Variants in GLRA3 observed in about 807,000 individuals in gnomAD.
GLRA3 encodes glycine receptor subunit alpha-3.
In GLRA3, 44 loss-of-function variants were observed where a neutral mutation model predicts 60.4. The observed-to-expected ratio is 0.73, with a 90% CI of 0.57 to 0.94. The LOEUF (loss-of-function observed/expected upper bound fraction) is 0.94. GLRA3 is among the 40% of genes least tolerant of loss of function. GLRA3 has a pLI of 0.00. For synonymous variants in GLRA3, 223 were observed against 192.9 expected, an observed-to-expected ratio of 1.16 and a Z score of -1.29; for missense variants, 508 against 564.6, an observed-to-expected ratio of 0.90 and a Z score of 1.02.
intron 1 of GLRA3, among the ~76,000 whole-genome samples, chr4:174,798,503 T>A (rs1329326228): frequency 1.3e-5 from 2 of 152,140 alleles, no homozygotes; most frequent in African/African-American, 4.8e-5. Flanking sequence ...TTTCGAGTAT[T>A]TCAAACTAAA....
At chr4:174,755,518 T>C (rs1470834347) in intron 3 of GLRA3, among the ~76,000 whole-genome samples, 1 of 152,136 alleles carries the variant, frequency 6.6e-6, no homozygotes, top group African/African-American at 2.4e-5. Flanking sequence ...AATATCATCA[T>C]AGACTGTGAA....
chr4:174,659,006 T>G, intron 8 of GLRA3, 48 bp downstream of exon 8: 1 of 1,516,184 alleles, frequency 6.6e-7, no homozygotes, highest in South Asian at 1.2e-5. Context: ...AAATTCACTT[T>G]CGAGTGAAAA....
rs953241228 is a variant in GLRA3, at chr4:174,711,728, C to T, written c.574+3760G>A. On this transcript the variant is annotated intron_variant, in intron 5 of 9. Transcript: ENST00000274093. ...ATGCTGGGATTAAAGGCGTGAGCCA[C>T]GGCATATTGATTTTTTACCAGCATG... Among the ~76,000 whole-genome samples the T allele has an allele frequency of 9.2e-5, 14 of 152,228 alleles. 1 individual carries two copies. In the South Asian group the frequency reaches 2.3e-3, roughly 25 times the overall value.
chr4:174,758,966 G>A (rs1737837030), intron 3 of GLRA3, among the ~76,000 whole-genome samples: 1 of 152,032 alleles, frequency 6.6e-6, no homozygotes, highest in Admixed American at 6.5e-5. Context: ...TTTTATGTTT[G>A]TTTTGTATTT....
chr4:174,765,668 G>C (rs1158112732), intron 3 of GLRA3, among the ~76,000 whole-genome samples: 2 of 151,956 alleles, frequency 1.3e-5, no homozygotes, highest in Non-Finnish European at 2.9e-5. Flanking sequence ...ATATATCAAA[G>C]TCTAAAACAG....
chr4:174,787,078 G>T (rs1293008021), intron 2 of GLRA3, among the ~76,000 whole-genome samples: 1 of 151,932 alleles, frequency 6.6e-6, no homozygotes, highest in Non-Finnish European at 1.5e-5. Flanking sequence ...ATAGTTTAAT[G>T]TTTCTGTTAT....
rs1732532170 is a variant in GLRA3, at chr4:174,637,755, A to G, written c.*6031T>C. On this transcript the variant is annotated 3_prime_UTR_variant, in exon 10 of 10. Transcript: ENST00000274093. Reference sequence around the variant, plus strand: ...TTCATATTACTTTGTAGAGTTTTATATAATATCTTCATATCTGAAATAAAT... The same window carrying G: ...TTCATATTACTTTGTAGAGTTTTATGTAATATCTTCATATCTGAAATAAAT... The G allele has an allele frequency of 6.6e-6, 1 of 152,202 alleles. No individual in the cohort carries two copies. The highest frequency in any genetic ancestry group is 2.1e-4 in the South Asian group (1 of 4,830). The allele number at this position is 152,202 out of a possible 1,614,324, so 9.4% of individuals were successfully genotyped here.
chr4:174,768,954 C>T (rs1456324648), intron 2 of GLRA3, among the ~76,000 whole-genome samples: 1 of 152,058 alleles, frequency 6.6e-6, no homozygotes, highest in African/African-American at 2.4e-5. Context: ...TCGGAGAACA[C>T]CACATACAGA....
At chr4:174,779,645 C>T (rs1738782286) in intron 2 of GLRA3, among the ~76,000 whole-genome samples, 1 of 152,068 alleles carries the variant, frequency 6.6e-6, no homozygotes, top group African/African-American at 2.4e-5. Context: ...AAAACCAAGG[C>T]TCGAGAACTA....
At chr4:174,760,913 AG>A (rs1737919871) in intron 3 of GLRA3, among the ~76,000 whole-genome samples, 1 of 152,186 alleles carries the variant, frequency 6.6e-6, no homozygotes, top group Non-Finnish European at 1.5e-5. Flanking sequence ...ACAAGCATGG[AG>A]TATCTCAAAA....
At chr4:174,715,890 A>G (rs10035078) in intron 4 of GLRA3, among the ~76,000 whole-genome samples, 148,171 of 152,312 alleles carry the variant, frequency 0.97, 72,209 homozygotes, top group East Asian at 1. Context: ...ATATATCTAT[A>G]TGTTTATTTA....
chr4:174,751,728 A>G (rs1440326052), intron 3 of GLRA3, among the ~76,000 whole-genome samples: 1 of 152,108 alleles, frequency 6.6e-6, no homozygotes, highest in African/African-American at 2.4e-5. Context: ...ATCCTTATAA[A>G]TATACACTTT....
At chr4:174,816,374 C>T (rs191238138) in intron 1 of GLRA3, among the ~76,000 whole-genome samples, 13 of 152,172 alleles carry the variant, frequency 8.5e-5, no homozygotes, top group Admixed American at 7.9e-4. Context: ...ATTGGAAAGC[C>T]CTGCCCCAGA....
chr4:174,682,689 T>C (rs1734396872), intron 6 of GLRA3, 113 bp downstream of exon 6: 1 of 694,012 alleles, frequency 1.4e-6, no homozygotes, highest in Admixed American at 3.0e-5. Context: ...TTCTGCTATA[T>C]AAGAAAAACA....
At chr4:174,687,452 C>T (rs1335939605) in intron 5 of GLRA3, among the ~76,000 whole-genome samples, 2 of 152,090 alleles carry the variant, frequency 1.3e-5, no homozygotes, top group African/African-American at 2.4e-5. Flanking sequence ...GTTTGAGTTG[C>T]AAGCTGAACT....
Position 174,659,053 on chromosome 4 carries a change from C to A in GLRA3, c.1071+1G>T. On this transcript the variant is annotated splice_donor_variant, in intron 8 of 9. Transcript: ENST00000274093. LOFTEE classifies it high-confidence loss of function. ...CAAACCCAATACGTTTAATCACTTA[C>A]CTTATTCTTTCTCTTTCGTCGAAAT... 1.2e-6 allele frequency: 2 copies of A among 1,611,562 alleles called. No homozygotes were observed. The highest frequency in any genetic ancestry group is 1.7e-6 in the Non-Finnish European group (2 of 1,178,266).
chr4:174,652,324 C>T (rs1579389582), intron 9 of GLRA3, among the ~76,000 whole-genome samples: 1 of 152,016 alleles, frequency 6.6e-6, no homozygotes, highest in Admixed American at 6.6e-5. Context: ...AAGTCTAGAA[C>T]TTTTGACTCA....
intron 7 of GLRA3, among the ~76,000 whole-genome samples, chr4:174,672,534 T>A (rs1480730224): frequency 6.6e-6 from 1 of 152,006 alleles, no homozygotes; most frequent in Non-Finnish European, 1.5e-5. Flanking sequence ...TGTTTCTGCT[T>A]GCCTTCTTGA....
At chr4:174,721,139 C>T (rs992408586) in intron 4 of GLRA3, among the ~76,000 whole-genome samples, 1 of 151,874 alleles carries the variant, frequency 6.6e-6, no homozygotes, top group Non-Finnish European at 1.5e-5. Context: ...AGAGATTCTC[C>T]TGCCTCAGCC....
Sources: allele counts gnomAD v4.1 joint callset (sites outside exome capture counted in the v4.1 genomes callset), GRCh38; gene constraint gnomAD v4.1.1; transcripts MANE v1.5; gene names NCBI Gene and HGNC (gene_info 2026-07-23, HGNC 2026-07-21).